The following ST6GALNAC3 variants were observed in gnomAD, a reference collection of about 807,000 sequenced individuals.
The protein encoded by ST6GALNAC3 is alpha-N-acetylgalactosaminide alpha-2,6-sialyltransferase 3.
A neutral mutation model predicts 32.7 loss-of-function variants in ST6GALNAC3; 25 were observed. That is an observed-to-expected ratio of 0.76 (90% CI 0.56 to 1.07). The LOEUF (loss-of-function observed/expected upper bound fraction) is 1.07, where lower values mean the gene tolerates loss of function less well. Among genes scored for constraint, ST6GALNAC3 ranks in the 50% least tolerant of loss-of-function variants. The probability of loss-of-function intolerance (pLI) is 0.00; values close to 1 mark genes in which losing one functional copy is unlikely to be tolerated. For synonymous variants in ST6GALNAC3, 129 were observed against 133.1 expected, an observed-to-expected ratio of 0.97 and a Z score of 0.21; for missense variants, 355 against 382.4, an observed-to-expected ratio of 0.93 and a Z score of 0.60.
intron 1 of ST6GALNAC3, among the ~76,000 whole-genome samples, chr1:76,165,020 T>C (rs999413950): frequency 6.6e-6 from 1 of 152,204 alleles, no homozygotes; most frequent in African/African-American, 2.4e-5. Context: ...CAAGGGGGTT[T>C]GTTGTACAGA....
chr1:76,160,707 GCA>G (rs144175415), intron 1 of ST6GALNAC3, among the ~76,000 whole-genome samples: 1 of 151,700 alleles, frequency 6.6e-6, no homozygotes, highest in Non-Finnish European at 1.5e-5. Flanking sequence ...AAATCTTGGT[GCA>G]CACACACACA....
chr1:76,545,337 T>C (rs749931352), intron 3 of ST6GALNAC3, among the ~76,000 whole-genome samples: 1 of 152,150 alleles, frequency 6.6e-6, no homozygotes, highest in Non-Finnish European at 1.5e-5. Context: ...TTGTTAGTCA[T>C]ATATAGGGTC....
intron 3 of ST6GALNAC3, among the ~76,000 whole-genome samples, chr1:76,443,999 A>C (rs1473446986): frequency 1.3e-5 from 2 of 152,226 alleles, no homozygotes; most frequent in Non-Finnish European, 2.9e-5. Context: ...AGTTGGAAGC[A>C]AGGTTTCAGG....
chr1:76,540,141 T>C (rs926732363), intron 3 of ST6GALNAC3, among the ~76,000 whole-genome samples: 9 of 152,104 alleles, frequency 5.9e-5, no homozygotes, highest in Admixed American at 1.3e-4. Context: ...ATAGAAAAAA[T>C]GTGGTACATA....
chr1:76,571,300 T>G (rs954997268), intron 3 of ST6GALNAC3, among the ~76,000 whole-genome samples: 1 of 152,130 alleles, frequency 6.6e-6, no homozygotes, highest in African/African-American at 2.4e-5. Context: ...TTAAAATCTT[T>G]CAGTGGTCGC....
In ST6GALNAC3 at chr1:76,532,263, T is replaced by C. The variant is rs142017135; in HGVS notation, c.624-95189T>C. Among the ~76,000 whole-genome samples, 589 of 152,320 alleles carry C rather than the reference T, an allele frequency of 3.9e-3. 3 individuals carry two copies. Among genetic ancestry groups the C allele is most frequent in the African/African-American group, 0.014 (570 of 41,578 alleles). On this transcript the variant is annotated intron_variant, in intron 3 of 4. Transcript: ENST00000328299. ...TGCCTCCCGAAACCGTAGGGTGGCCTGACATCTGCTTTTTATTGAAAGTAG... is the reference window on the plus strand; with the variant it reads ...TGCCTCCCGAAACCGTAGGGTGGCCCGACATCTGCTTTTTATTGAAAGTAG...
intron 1 of ST6GALNAC3, among the ~76,000 whole-genome samples, chr1:76,130,388 C>T (rs1172548897): frequency 6.6e-6 from 1 of 152,184 alleles, no homozygotes; most frequent in Non-Finnish European, 1.5e-5. Flanking sequence ...GAATGGCTCT[C>T]CATGGGGTGG....
chr1:76,462,652 G>A (rs887548180), intron 3 of ST6GALNAC3, among the ~76,000 whole-genome samples: 5 of 152,118 alleles, frequency 3.3e-5, no homozygotes, highest in African/African-American at 9.7e-5. Context: ...ACTAGCACTT[G>A]TTTGACCACA....
intron 1 of ST6GALNAC3, among the ~76,000 whole-genome samples, chr1:76,136,521 A>G (rs1649959697): frequency 2.0e-5 from 2 of 99,056 alleles, no homozygotes; most frequent in African/African-American, 8.6e-5. Flanking sequence ...TTCACAGGAG[A>G]AAAAAAAAAT....
intron 3 of ST6GALNAC3, among the ~76,000 whole-genome samples, chr1:76,466,082 TAAC>T (rs1658607978): frequency 1.3e-5 from 2 of 152,260 alleles, no homozygotes; most frequent in Non-Finnish European, 2.9e-5. Context: ...AATTGTGTCA[TAAC>T]AAACATTTCT....
chr1:76,444,019 T>C (rs760223413), intron 3 of ST6GALNAC3, among the ~76,000 whole-genome samples: 38 of 152,360 alleles, frequency 2.5e-4, no homozygotes, highest in Middle Eastern at 3.4e-3. Flanking sequence ...GTAACTGGAA[T>C]TGACCTCTTA....
At chr1:76,402,942 A>G (rs372312285) in intron 2 of ST6GALNAC3, among the ~76,000 whole-genome samples, 31 of 152,140 alleles carry the variant, frequency 2.0e-4, no homozygotes, top group East Asian at 1.4e-3. Context: ...TTCTCACTCC[A>G]TCAGTGGTCC....
intron 3 of ST6GALNAC3, among the ~76,000 whole-genome samples, chr1:76,417,217 CTTTCTTTCTTTTTTTTTTTT>C (rs1654708607): frequency 7.2e-6 from 1 of 138,364 alleles, no homozygotes; most frequent in Non-Finnish European, 1.6e-5. Flanking sequence ...TTTTTTTTTT[CTTTCTTTCTTTTTTTTTTTT>C]TAATTCTAGG....
chr1:76,634,105 G>C lies in ST6GALNAC3; in HGVS notation c.*5299G>C, dbSNP rs1052379900. The C allele has an allele frequency of 2.0e-6, 2 of 977,648 alleles. No homozygotes were observed. The highest frequency in any genetic ancestry group is 3.5e-5 in the African/African-American group (2 of 56,654). The allele number at this position is 977,648 out of a possible 1,614,324, so 60.6% of individuals were successfully genotyped here. ...CAGAATAGGCACTTTTTTTTGAGTA[G>C]AAAACCTCTTCTTTCTCCACAGATA... On this transcript the variant is annotated 3_prime_UTR_variant, in exon 5 of 5. Transcript: ENST00000328299.
chr1:76,255,234 T>G (rs1049361097), intron 1 of ST6GALNAC3, among the ~76,000 whole-genome samples: 1 of 152,062 alleles, frequency 6.6e-6, no homozygotes, highest in Non-Finnish European at 1.5e-5. Context: ...CCCCCTCCCT[T>G]TCCCTGGCCC....
chr1:76,197,288 A>G (rs1477480778), intron 1 of ST6GALNAC3, among the ~76,000 whole-genome samples: 1 of 152,228 alleles, frequency 6.6e-6, no homozygotes, highest in Non-Finnish European at 1.5e-5. Flanking sequence ...CATTCACTTA[A>G]CAAATATGTG....
chr1:76,598,846 A>G (rs932106114), intron 3 of ST6GALNAC3, among the ~76,000 whole-genome samples: 14 of 152,350 alleles, frequency 9.2e-5, no homozygotes, highest in African/African-American at 2.6e-4. Context: ...AATGTCTACC[A>G]TATGCTTCTT....
At chr1:76,291,519 T>A (rs1660090207) in intron 1 of ST6GALNAC3, among the ~76,000 whole-genome samples, 1 of 152,192 alleles carries the variant, frequency 6.6e-6, no homozygotes, top group Non-Finnish European at 1.5e-5. Flanking sequence ...TAAAGAGGAA[T>A]AACAGACATG....
At chr1:76,102,080 T>A (rs550857707) in intron 1 of ST6GALNAC3, among the ~76,000 whole-genome samples, 14 of 152,324 alleles carry the variant, frequency 9.2e-5, no homozygotes, top group African/African-American at 2.4e-4. Flanking sequence ...GAGAGAGATA[T>A]GTTAAAATTC....
Sources: allele counts gnomAD v4.1 joint callset (sites outside exome capture counted in the v4.1 genomes callset), GRCh38; gene constraint gnomAD v4.1.1; transcripts MANE v1.5; gene names NCBI Gene and HGNC (gene_info 2026-07-23, HGNC 2026-07-21).